Variants in CLSTN2 observed in about 807,000 individuals in gnomAD.
CLSTN2 encodes calsyntenin 2.
CLSTN2 carries 48 observed loss-of-function variants against 101.2 expected under a neutral mutation model. The ratio of observed to expected loss-of-function variants is 0.47; its 90% CI spans 0.38 to 0.60. The LOEUF is 0.60. CLSTN2 is among the 20% of genes least tolerant of loss of function. The pLI is 0.00. For synonymous variants in CLSTN2, 481 were observed against 463.6 expected, an observed-to-expected ratio of 1.04 and a Z score of -0.48; for missense variants, 1,160 against 1,238.2, an observed-to-expected ratio of 0.94 and a Z score of 0.95.
At chr3:139,966,039 C>A (rs1011575578) in intron 1 of CLSTN2, among the ~76,000 whole-genome samples, 1 of 152,132 alleles carries the variant, frequency 6.6e-6, no homozygotes, top group Non-Finnish European at 1.5e-5. Context: ...GGGCCAGGGT[C>A]AAAAGAACAG....
chr3:140,373,997 T>A (rs1189327755), intron 2 of CLSTN2, among the ~76,000 whole-genome samples: 1 of 152,248 alleles, frequency 6.6e-6, no homozygotes, highest in African/African-American at 2.4e-5. Context: ...TGCAGGCCCT[T>A]GTCACTGAGC....
intron 1 of CLSTN2, among the ~76,000 whole-genome samples, chr3:140,100,164 A>C (rs2008941772): frequency 6.7e-6 from 1 of 149,196 alleles, no homozygotes; most frequent in African/African-American, 2.5e-5. Context: ...TTTTTTTTGA[A>C]CCATGCAACT....
At chr3:140,236,843 G>T (rs920153786) in intron 2 of CLSTN2, among the ~76,000 whole-genome samples, 1 of 102,904 alleles carries the variant, frequency 9.7e-6, no homozygotes, top group African/African-American at 3.5e-5. Context: ...GTGTGTGTGT[G>T]TGTGTGTGTG....
chr3:140,143,488 T>A (rs867724772), intron 1 of CLSTN2, among the ~76,000 whole-genome samples: 2 of 152,338 alleles, frequency 1.3e-5, no homozygotes, highest in Middle Eastern at 3.4e-3. Context: ...AGAGCAGATT[T>A]TCTTTATTCA....
intron 7 of CLSTN2, among the ~76,000 whole-genome samples, chr3:140,462,336 C>T (rs1253017674): frequency 6.6e-6 from 1 of 152,072 alleles, no homozygotes; most frequent in Admixed American, 6.6e-5. Context: ...GTCACTGGCC[C>T]CCTTTCATTA....
chr3:140,417,197 A>G (rs2088441625), intron 4 of CLSTN2, among the ~76,000 whole-genome samples: 1 of 152,172 alleles, frequency 6.6e-6, no homozygotes, highest in Non-Finnish European at 1.5e-5. Flanking sequence ...ACATTTAACT[A>G]TATGTATTTT....
chr3:139,992,321 A>G (rs1346183330), intron 1 of CLSTN2, among the ~76,000 whole-genome samples: 3 of 152,172 alleles, frequency 2.0e-5, no homozygotes, highest in African/African-American at 7.2e-5. Flanking sequence ...GTCATGCCAG[A>G]ATCTTCTCAG....
At position 140,555,947 on chromosome 3, in the gene CLSTN2, T is replaced by C. The variant is rs145291614; in HGVS notation, c.1675-566T>C. Among the ~76,000 whole-genome samples, 115 of 152,262 alleles carry C rather than the reference T, an allele frequency of 7.6e-4. 1 individual carries two copies. Among genetic ancestry groups the C allele is most frequent in the African/African-American group, 2.6e-3 (108 of 41,538 alleles). On this transcript the variant is annotated intron_variant, in intron 10 of 16. Transcript: ENST00000458420. ...CTGGCAGATGTGTAAGCAGCAGTTGTGTACAACTCATGGGAAACCAGAGTT... is the reference window on the plus strand; with the variant it reads ...CTGGCAGATGTGTAAGCAGCAGTTGCGTACAACTCATGGGAAACCAGAGTT...
chr3:140,239,900 TAC>T (rs1356074017), intron 2 of CLSTN2, among the ~76,000 whole-genome samples: 1 of 136,268 alleles, frequency 7.3e-6, no homozygotes, highest in African/African-American at 2.7e-5. Context: ...TGTGTATACA[TAC>T]ACACAAACAC....
intron 9 of CLSTN2, among the ~76,000 whole-genome samples, chr3:140,546,005 C>T (rs138572275): frequency 1.8e-4 from 28 of 152,282 alleles, no homozygotes; most frequent in African/African-American, 5.5e-4. Context: ...GAAGCAAATG[C>T]GAGCTTTGAG....
At chr3:140,404,415 G>A in intron 3 of CLSTN2, 143 bp from the exon 4 acceptor site, 1 of 695,496 alleles carries the variant, frequency 1.4e-6, no homozygotes, top group Non-Finnish European at 2.6e-6. Context: ...GGGAGGATGG[G>A]ACACTCAGAC....
At chr3:140,529,520 C>CATTT (rs1475062643) in intron 8 of CLSTN2, among the ~76,000 whole-genome samples, 2 of 152,236 alleles carry the variant, frequency 1.3e-5, no homozygotes, top group African/African-American at 4.8e-5. Flanking sequence ...TGCATTGACA[C>CATTT]ATTTATTTTA....
chr3:139,968,700 G>A (rs541269671), intron 1 of CLSTN2, among the ~76,000 whole-genome samples: 6 of 152,308 alleles, frequency 3.9e-5, no homozygotes, highest in Admixed American at 6.5e-5. Context: ...CAATGACTTC[G>A]TGGTTTGGTT....
At chr3:140,123,441 C>T (rs1344104963) in intron 1 of CLSTN2, among the ~76,000 whole-genome samples, 2 of 152,024 alleles carry the variant, frequency 1.3e-5, no homozygotes, top group Non-Finnish European at 2.9e-5. Flanking sequence ...GAAGGAGCCT[C>T]ATTTGGAAGT....
intron 8 of CLSTN2, among the ~76,000 whole-genome samples, chr3:140,502,661 G>T (rs1427263022): frequency 6.6e-6 from 1 of 152,202 alleles, no homozygotes; most frequent in African/African-American, 2.4e-5. Flanking sequence ...AGGGGATGGG[G>T]TGCAGTGGAG....
At chr3:140,303,580 A>G (rs1434638593) in intron 2 of CLSTN2, among the ~76,000 whole-genome samples, 1 of 152,162 alleles carries the variant, frequency 6.6e-6, no homozygotes, top group Non-Finnish European at 1.5e-5. Flanking sequence ...AAATTATTTT[A>G]CTTCCAAAAT....
chr3:140,415,890 A>G (rs930887681), intron 4 of CLSTN2, among the ~76,000 whole-genome samples: 5 of 152,220 alleles, frequency 3.3e-5, no homozygotes, highest in African/African-American at 9.6e-5. Context: ...TCTTGAAGAG[A>G]TAGTTGCACT....
chr3:140,013,932 C>G (rs960548911), intron 1 of CLSTN2, among the ~76,000 whole-genome samples: 6 of 152,170 alleles, frequency 3.9e-5, no homozygotes, highest in Non-Finnish European at 7.3e-5. Flanking sequence ...TCTGCAACTC[C>G]CCAGGGAATC....
chr3:140,413,684 C>T (rs777844639), intron 4 of CLSTN2, among the ~76,000 whole-genome samples: 63 of 152,086 alleles, frequency 4.1e-4, no homozygotes, highest in Non-Finnish European at 7.4e-4. Flanking sequence ...TTCAACAGCA[C>T]ATTAAAAGGA....
Sources: gnomAD v4.1 joint callset for allele counts (sites outside exome capture counted in the v4.1 genomes callset) on GRCh38, gnomAD v4.1.1 for gene constraint, MANE v1.5 for transcripts, NCBI Gene and HGNC (gene_info 2026-07-23, HGNC 2026-07-21) for gene names.